Variants in GABBR2 observed in about 807,000 individuals in gnomAD.
GABBR2 encodes G-protein coupled receptor 51.
In GABBR2, 23 loss-of-function variants were observed where a neutral mutation model predicts 105.6. That is an observed-to-expected ratio of 0.22 (90% CI 0.16 to 0.31). GABBR2 has a LOEUF of 0.31. GABBR2 is among the 10% of genes least tolerant of loss of function. GABBR2 has a pLI of 1.00. For missense variants in GABBR2, 734 were observed against 1,245.5 expected (o/e 0.59, Z 6.18); for synonymous variants, 478 against 499.7 (o/e 0.96, Z 0.58).
At chr9:98,347,096 G>A (rs2131416506) in intron 13 of GABBR2, among the ~76,000 whole-genome samples, 1 of 152,312 alleles carries the variant, frequency 6.6e-6, no homozygotes, top group East Asian at 1.9e-4. Context: ...TAAACACCCA[G>A]TAGTGGGATT....
At chr9:98,372,703 T>C (rs1831806344) in intron 11 of GABBR2, among the ~76,000 whole-genome samples, 1 of 152,218 alleles carries the variant, frequency 6.6e-6, no homozygotes, top group South Asian at 2.1e-4. Context: ...TTCCAAGAAA[T>C]GTTCCCAGCC....
intron 7 of GABBR2, among the ~76,000 whole-genome samples, chr9:98,419,110 G>A (rs1206055917): frequency 1.3e-5 from 2 of 152,216 alleles, no homozygotes; most frequent in Non-Finnish European, 2.9e-5. Context: ...GGGGGGCGGT[G>A]GAGCAGGGCT....
Position 98,299,946 on chromosome 9 carries a change from T to C in GABBR2, c.2413-593A>G, listed in dbSNP as rs1355595394. Reference sequence around the variant, plus strand: ...GGTGCAATTATAGCTTACTGCAACCTTGATCTCCTAGGCTCAAGCAATCCT... The same window carrying C: ...GGTGCAATTATAGCTTACTGCAACCCTGATCTCCTAGGCTCAAGCAATCCT... On this transcript the variant is annotated intron_variant, in intron 16 of 18. Transcript: ENST00000259455. Among the ~76,000 whole-genome samples the C allele has an allele frequency of 2.0e-5, 3 of 152,094 alleles. No individual in the cohort carries two copies. The East Asian group carries it at 5.8e-4, about 29-fold the overall frequency.
chr9:98,436,308 T>A (rs2131579947), intron 7 of GABBR2, among the ~76,000 whole-genome samples: 1 of 92,142 alleles, frequency 1.1e-5, no homozygotes, highest in Non-Finnish European at 2.1e-5. Flanking sequence ...TATATACCCA[T>A]AAATATACCA....
intron 7 of GABBR2, among the ~76,000 whole-genome samples, chr9:98,441,362 T>C (rs1039094260): frequency 6.6e-6 from 1 of 152,092 alleles, no homozygotes; most frequent in African/African-American, 2.4e-5. Flanking sequence ...AAGTTATTAT[T>C]ATTATTATTA....
At chr9:98,463,584 C>CGT (rs1826465259) in intron 6 of GABBR2, among the ~76,000 whole-genome samples, 1 of 147,618 alleles carries the variant, frequency 6.8e-6, no homozygotes. Flanking sequence ...TCTCCCTCTC[C>CGT]CTCGCCCTCT....
chr9:98,633,218 G>A (rs1445455721), intron 1 of GABBR2, among the ~76,000 whole-genome samples: 1 of 152,166 alleles, frequency 6.6e-6, no homozygotes, highest in Non-Finnish European at 1.5e-5. Context: ...TGTGAGAAGT[G>A]CTATGAAAAA....
chr9:98,448,907 C>T (rs1171292704), intron 7 of GABBR2, among the ~76,000 whole-genome samples: 4 of 136,968 alleles, frequency 2.9e-5, no homozygotes, highest in Non-Finnish European at 6.3e-5. Flanking sequence ...AGACTGGAAA[C>T]TGGAAAGAGT....
chr9:98,479,887 A>G (rs1826878185), intron 5 of GABBR2, among the ~76,000 whole-genome samples: 1 of 152,136 alleles, frequency 6.6e-6, no homozygotes, highest in African/African-American at 2.4e-5. Flanking sequence ...AGTACTCCTC[A>G]GCTATCCCTC....
intron 1 of GABBR2, among the ~76,000 whole-genome samples, chr9:98,599,065 G>A (rs944604181): frequency 1.3e-5 from 2 of 152,130 alleles, no homozygotes; most frequent in African/African-American, 2.4e-5. Flanking sequence ...GAGACAAGAC[G>A]GGCACCCCCA....
At chr9:98,545,355 GC>G (rs1828378811) in intron 2 of GABBR2, among the ~76,000 whole-genome samples, 1 of 152,334 alleles carries the variant, frequency 6.6e-6, no homozygotes, top group East Asian at 1.9e-4. Context: ...TGATTAGATT[GC>G]TTTGCGTCAC....
At chr9:98,327,254 G>A (rs765529155) in intron 13 of GABBR2, among the ~76,000 whole-genome samples, 5 of 151,992 alleles carry the variant, frequency 3.3e-5, no homozygotes, top group South Asian at 2.1e-4. Flanking sequence ...TATGTCTTGC[G>A]GGAACTGTTC....
At position 98,362,479 on chromosome 9, in the gene GABBR2, C is replaced by CTT. The variant is rs55739945; in HGVS notation, c.1893+234_1893+235dup. 19,821 of 267,582 alleles carry CTT rather than the reference C, an allele frequency of 0.074. 925 individuals are homozygous for CTT. Among genetic ancestry groups the CTT allele is most frequent in the African/African-American group, 0.14 (6,530 of 45,404 alleles). The allele number at this position is 267,582 out of a possible 1,614,324, so 16.6% of individuals were successfully genotyped here. On this transcript the variant is annotated intron_variant, in intron 13 of 18. Coordinates refer to ENST00000259455, the MANE Select transcript of GABBR2 (RefSeq NM_005458.8). ...CTTCTACAATGCATAAGAATATACTCTTAAAAAGCCCAACATTTCCCATTC... is the reference window on the plus strand; with the variant it reads ...CTTCTACAATGCATAAGAATATACTCTTTTAAAAAGCCCAACATTTCCCATTC...
chr9:98,436,329 TATACACACACACACACA>T (rs1564068079), intron 7 of GABBR2, among the ~76,000 whole-genome samples: 13 of 45,430 alleles, frequency 2.9e-4, no homozygotes, highest in African/African-American at 1.2e-3. Flanking sequence ...TATATATATA[TATACACACACACACACA>T]CCATATATAT....
chr9:98,297,445 T>C (rs1342666547), intron 17 of GABBR2, among the ~76,000 whole-genome samples: 2 of 151,308 alleles, frequency 1.3e-5, no homozygotes, highest in African/African-American at 2.4e-5. Flanking sequence ...ACCCCGTCTC[T>C]ACTAAAAGTA....
intron 4 of GABBR2, among the ~76,000 whole-genome samples, chr9:98,483,759 C>G (rs1826982154): frequency 6.6e-6 from 1 of 152,174 alleles, no homozygotes; most frequent in Non-Finnish European, 1.5e-5. Flanking sequence ...CCAGGCTCCT[C>G]TGTTCTGAGA....
rs532687836 is a variant in GABBR2 at position 98,423,106 on chromosome 9, T to C, written c.1237-16965A>G. Among the ~76,000 whole-genome samples, 316 of 152,344 alleles carry C rather than the reference T, an allele frequency of 2.1e-3. 3 individuals are homozygous for C. The highest frequency in any genetic ancestry group is 7.0e-3 in the African/African-American group (293 of 41,568). On this transcript the variant is annotated intron_variant, in intron 7 of 18. Coordinates refer to ENST00000259455, the MANE Select transcript of GABBR2 (RefSeq NM_005458.8). ...TGTGTCTTTATAGCAGCATGATTTA[T>C]AGTCCTTTGGGTATATACCCAGTAA... is the stretch of plus-strand genomic sequence containing the variant.
At chr9:98,594,472 C>T (rs1254646663) in intron 1 of GABBR2, among the ~76,000 whole-genome samples, 2 of 152,090 alleles carry the variant, frequency 1.3e-5, no homozygotes, top group South Asian at 2.1e-4. Flanking sequence ...AAACAGATGC[C>T]ACCAAGTGCT....
chr9:98,369,947 G>C (rs1831749242), intron 12 of GABBR2, among the ~76,000 whole-genome samples: 1 of 152,152 alleles, frequency 6.6e-6, no homozygotes, highest in South Asian at 2.1e-4. Flanking sequence ...TTGGTTTCCA[G>C]TGAAAAGGAG....
Sources: allele counts gnomAD v4.1 joint callset (sites outside exome capture counted in the v4.1 genomes callset), GRCh38; gene constraint gnomAD v4.1.1; transcripts MANE v1.5; gene names NCBI Gene and HGNC (gene_info 2026-07-23, HGNC 2026-07-21).